The following SUMF1 variants were observed in gnomAD, a reference collection of about 807,000 sequenced individuals.
SUMF1 encodes the protein sulfatase modifying factor 1.
In SUMF1, 48 loss-of-function variants were observed where a neutral mutation model predicts 47.6. The ratio of observed to expected loss-of-function variants is 1.01; its 90% CI spans 0.80 to 1.28. SUMF1 has a LOEUF of 1.28. SUMF1 is among the 50% of genes most tolerant of loss of function. The pLI is 0.00. For missense variants in SUMF1, 571 were observed against 485.4 expected (o/e 1.18, Z -1.66); for synonymous variants, 230 against 192.1 (o/e 1.20, Z -1.63).
At chr3:4,156,980 A>C (rs892236986) in intron 8 of SUMF1, among the ~76,000 whole-genome samples, 3 of 151,672 alleles carry the variant, frequency 2.0e-5, no homozygotes, top group African/African-American at 7.3e-5. Flanking sequence ...ATTTTGTTCA[A>C]AGTTGATCCA....
intron 8 of SUMF1, among the ~76,000 whole-genome samples, chr3:4,221,869 T>C (rs1011558457): frequency 6.6e-6 from 1 of 152,226 alleles, no homozygotes; most frequent in South Asian, 2.1e-4. Context: ...TATACTCAAA[T>C]GTTAATAGTA....
At chr3:4,088,181 T>C (rs990674570) in intron 8 of SUMF1, among the ~76,000 whole-genome samples, 1 of 152,058 alleles carries the variant, frequency 6.6e-6, no homozygotes, top group African/African-American at 2.4e-5. Context: ...ACTTCCATGA[T>C]TTCCTTCCTT....
At chr3:4,453,135 C>T (rs1291863895) in intron 1 of SUMF1, 86 bp from the exon 2 acceptor site, 1 of 1,384,512 alleles carries the variant, frequency 7.2e-7, no homozygotes, top group Non-Finnish European at 9.9e-7. Flanking sequence ...ACCCAGGAAG[C>T]ACGCAAGTTT....
intron 8 of SUMF1, among the ~76,000 whole-genome samples, chr3:4,268,265 T>C (rs368743227): frequency 2.0e-5 from 3 of 151,918 alleles, no homozygotes; most frequent in East Asian, 1.9e-4. Context: ...AGGGATAGCA[T>C]TGGGAGATAT....
chr3:4,277,819 C>A (rs781597279), intron 8 of SUMF1, among the ~76,000 whole-genome samples: 8 of 152,058 alleles, frequency 5.3e-5, no homozygotes, highest in Non-Finnish European at 8.8e-5. Context: ...CTAGGAAGAG[C>A]TTCCTCTGGG....
intron 8 of SUMF1, among the ~76,000 whole-genome samples, chr3:4,279,006 T>C (rs532334866): frequency 1.1e-4 from 17 of 152,270 alleles, no homozygotes; most frequent in African/African-American, 3.8e-4. Flanking sequence ...TTTATTTTTA[T>C]GATAATTTGT....
At chr3:4,165,701 G>C (rs2125118283) in intron 8 of SUMF1, among the ~76,000 whole-genome samples, 1 of 152,100 alleles carries the variant, frequency 6.6e-6, no homozygotes, top group South Asian at 2.1e-4. Context: ...GAGAATATTG[G>C]GGCCAGACCA....
chr3:4,177,043 T>A (rs1307294128), intron 8 of SUMF1, among the ~76,000 whole-genome samples: 1 of 152,038 alleles, frequency 6.6e-6, no homozygotes, highest in Non-Finnish European at 1.5e-5. Context: ...ATAAAGCAAG[T>A]CTTTAGAGAC....
intron 8 of SUMF1, among the ~76,000 whole-genome samples, chr3:4,260,772 T>C (rs1482408706): frequency 1.3e-5 from 2 of 151,984 alleles, no homozygotes; most frequent in African/African-American, 4.8e-5. Flanking sequence ...GGCAGAGACT[T>C]AGGAGTTCAG....
intron 8 of SUMF1, among the ~76,000 whole-genome samples, chr3:4,178,366 G>T (rs897261097): frequency 2.6e-5 from 4 of 152,132 alleles, no homozygotes; most frequent in African/African-American, 9.7e-5. Context: ...CTTCATCCCT[G>T]GGATGCAAGT....
chr3:4,427,380 G>A (rs529925567), intron 3 of SUMF1, among the ~76,000 whole-genome samples: 1 of 152,034 alleles, frequency 6.6e-6, no homozygotes, highest in Non-Finnish European at 1.5e-5. Flanking sequence ...AATTCATGAA[G>A]TATAAATAAA....
chr3:4,303,908 G>A, intron 8 of SUMF1: 2 of 1,223,736 alleles, frequency 1.6e-6, no homozygotes. Flanking sequence ...ATCGCAGCCG[G>A]TGTCGTGCAT....
chr3:4,103,803 C>G (rs372555633), intron 8 of SUMF1, among the ~76,000 whole-genome samples: 2 of 152,072 alleles, frequency 1.3e-5, no homozygotes, highest in East Asian at 3.8e-4. Flanking sequence ...AGGCCAAGAA[C>G]CTTGCTCCAT....
At chr3:4,142,340 G>A (rs1415663429) in intron 8 of SUMF1, among the ~76,000 whole-genome samples, 1 of 152,120 alleles carries the variant, frequency 6.6e-6, no homozygotes, top group Non-Finnish European at 1.5e-5. Context: ...GAAGCTGAGA[G>A]ACATTTGACA....
At chr3:4,147,833 G>A (rs1231002775) in intron 8 of SUMF1, among the ~76,000 whole-genome samples, 1 of 152,012 alleles carries the variant, frequency 6.6e-6, no homozygotes, top group Non-Finnish European at 1.5e-5. Context: ...CCTATAATAA[G>A]CAATAATTTC....
intron 8 of SUMF1, among the ~76,000 whole-genome samples, chr3:4,292,553 A>T (rs1488639000): frequency 6.6e-6 from 1 of 152,222 alleles, no homozygotes; most frequent in Non-Finnish European, 1.5e-5. Context: ...AAACACAATG[A>T]TTCTTTTACC....
intron 6 of SUMF1, among the ~76,000 whole-genome samples, chr3:4,412,037 T>C (rs560160982): frequency 9.3e-4 from 142 of 152,262 alleles, no homozygotes; most frequent in African/African-American, 3.4e-3. Context: ...AGCACTCCAA[T>C]CAAAGTCACG....
At chr3:4,373,698 C>CA (rs1700237344) in intron 8 of SUMF1, among the ~76,000 whole-genome samples, 1 of 152,100 alleles carries the variant, frequency 6.6e-6, no homozygotes, top group Non-Finnish European at 1.5e-5. Context: ...TTTAACAACT[C>CA]AATCTATGAA....
chr3:4,436,931 T>A (rs1702422630), intron 3 of SUMF1, among the ~76,000 whole-genome samples: 1 of 149,590 alleles, frequency 6.7e-6, no homozygotes, highest in Non-Finnish European at 1.5e-5. Flanking sequence ...CAATAATAAA[T>A]ACCAGAAGAC....
Sources: allele counts gnomAD v4.1 joint callset (sites outside exome capture counted in the v4.1 genomes callset), GRCh38; gene constraint gnomAD v4.1.1; transcripts MANE v1.5; gene names NCBI Gene and HGNC (gene_info 2026-07-23, HGNC 2026-07-21).